The following LRP1B variants were observed in gnomAD, a reference collection of about 807,000 sequenced individuals.
LRP1B encodes the protein low-density lipoprotein receptor-related protein 1B.
Under a neutral mutation model 556.6 loss-of-function variants are expected in LRP1B, and 217 were observed. The observed-to-expected ratio is 0.39, with a 90% CI of 0.35 to 0.44. LRP1B has a LOEUF of 0.44. Ranked by LOEUF, LRP1B falls within the 20% of genes least tolerant of loss-of-function variation. The pLI, the probability that LRP1B is intolerant of heterozygous loss-of-function variation, is 1.00. For missense variants in LRP1B, 5,053 were observed against 5,620.8 expected, an observed-to-expected ratio of 0.90 and a Z score of 3.23; for synonymous variants, 2,047 against 1,865.8, an observed-to-expected ratio of 1.10 and a Z score of -2.50.
chr2:142,081,623 A>G (rs899788053), intron 1 of LRP1B, among the ~76,000 whole-genome samples: 1 of 152,122 alleles, frequency 6.6e-6, no homozygotes, highest in Non-Finnish European at 1.5e-5. Flanking sequence ...ACAATAACAG[A>G]CTATGACCTA....
intron 86 of LRP1B, among the ~76,000 whole-genome samples, chr2:140,258,850 A>G (rs1279918966): frequency 2.6e-5 from 4 of 152,064 alleles, no homozygotes; most frequent in South Asian, 2.1e-4. Context: ...CCCACTAACC[A>G]TTTTTTAATT....
chr2:141,189,663 A>T (rs1473550024), intron 6 of LRP1B, among the ~76,000 whole-genome samples: 1 of 151,970 alleles, frequency 6.6e-6, no homozygotes, highest in African/African-American at 2.4e-5. Flanking sequence ...AAAATTCCAT[A>T]TTTATGCTGT....
chr2:140,674,912 C>T (rs1685617102), intron 41 of LRP1B, among the ~76,000 whole-genome samples: 1 of 152,206 alleles, frequency 6.6e-6, no homozygotes. Context: ...TAACACAAAT[C>T]ATCTCACAGT....
intron 43 of LRP1B, among the ~76,000 whole-genome samples, chr2:140,568,144 A>G (rs1681193059): frequency 6.6e-6 from 1 of 151,732 alleles, no homozygotes; most frequent in South Asian, 2.1e-4. Flanking sequence ...AAGAAAATCT[A>G]TAAATTGCCA....
intron 41 of LRP1B, among the ~76,000 whole-genome samples, chr2:140,674,872 T>C (rs1469464634): frequency 1.3e-5 from 2 of 152,252 alleles, no homozygotes; most frequent in Non-Finnish European, 2.9e-5. Context: ...TTCTTGATGC[T>C]GTTGTAACAA....
chr2:140,405,697 G>A (rs1684702624), intron 66 of LRP1B, among the ~76,000 whole-genome samples: 2 of 152,046 alleles, frequency 1.3e-5, no homozygotes, highest in South Asian at 4.1e-4. Flanking sequence ...GTGAGATTAA[G>A]TCAGTAATAA....
chr2:141,010,977 T>C (rs1189527439), intron 14 of LRP1B, among the ~76,000 whole-genome samples: 2 of 150,458 alleles, frequency 1.3e-5, no homozygotes, highest in African/African-American at 4.9e-5. Flanking sequence ...TGTGTGTGTG[T>C]GTGTATTAAT....
chr2:141,621,833 T>C (rs1051262765), intron 2 of LRP1B, among the ~76,000 whole-genome samples: 1 of 152,122 alleles, frequency 6.6e-6, no homozygotes, highest in African/African-American at 2.4e-5. Flanking sequence ...GGAGGAAAAG[T>C]CGATCCAAAA....
At chr2:140,623,537 G>A (rs1574155182) in intron 41 of LRP1B, among the ~76,000 whole-genome samples, 2 of 152,058 alleles carry the variant, frequency 1.3e-5, no homozygotes, top group East Asian at 1.9e-4. Flanking sequence ...AGAGGTCAAA[G>A]TAATCATCTG....
At chr2:141,115,733 C>T (rs1431383213) in intron 7 of LRP1B, among the ~76,000 whole-genome samples, 2 of 151,862 alleles carry the variant, frequency 1.3e-5, no homozygotes, top group African/African-American at 4.8e-5. Context: ...CCGCCCCTCT[C>T]GGACTCCCAA....
intron 41 of LRP1B, among the ~76,000 whole-genome samples, chr2:140,699,623 G>GT (rs1686557664): frequency 1.1e-5 from 1 of 92,620 alleles, no homozygotes. Context: ...ATAAGAAGAT[G>GT]GTTTTTGTTA....
intron 83 of LRP1B, among the ~76,000 whole-genome samples, chr2:140,309,738 A>T (rs1455296896): frequency 6.6e-6 from 1 of 151,796 alleles, no homozygotes; most frequent in East Asian, 1.9e-4. Flanking sequence ...TAATAGTGGC[A>T]TATCTGGAAA....
intron 1 of LRP1B, among the ~76,000 whole-genome samples, chr2:141,950,798 G>T (rs909915616): frequency 6.6e-6 from 1 of 152,144 alleles, no homozygotes; most frequent in Middle Eastern, 3.4e-3. Context: ...AAGAGAAAAT[G>T]AAGCCAAAAA....
chr2:141,457,376 G>A (rs558935636), intron 3 of LRP1B, among the ~76,000 whole-genome samples: 53 of 152,254 alleles, frequency 3.5e-4, no homozygotes, highest in African/African-American at 1.2e-3. Flanking sequence ...ATAAGTGGGA[G>A]CTGAGCAATG....
chr2:141,390,122 G>C (rs1689992527), intron 3 of LRP1B, among the ~76,000 whole-genome samples: 1 of 152,086 alleles, frequency 6.6e-6, no homozygotes. Flanking sequence ...TGGGGAACAA[G>C]AGCGAAACTC....
chr2:140,389,285 G>A (rs1388906283), intron 66 of LRP1B, among the ~76,000 whole-genome samples: 1 of 151,794 alleles, frequency 6.6e-6, no homozygotes, highest in Admixed American at 6.6e-5. Flanking sequence ...ATATGGATGG[G>A]ATATTTCTGA....
chr2:141,350,062 G>A (rs575211898), intron 3 of LRP1B, among the ~76,000 whole-genome samples: 15 of 152,054 alleles, frequency 9.9e-5, no homozygotes, highest in Admixed American at 3.3e-4. Context: ...GGAAACTCCC[G>A]TTTTTAAAAC....
chr2:140,419,274 C>A (rs1317631784), intron 66 of LRP1B, among the ~76,000 whole-genome samples: 1 of 152,026 alleles, frequency 6.6e-6, no homozygotes, highest in African/African-American at 2.4e-5. Flanking sequence ...AAAATGTGTG[C>A]ATTAACAACA....
intron 1 of LRP1B, among the ~76,000 whole-genome samples, chr2:141,911,760 T>C (rs1328737443): frequency 1.3e-5 from 2 of 152,130 alleles, no homozygotes; most frequent in Admixed American, 6.6e-5. Context: ...TTTTCTTTAC[T>C]TCCTCTTTTA....
Sources: gnomAD v4.1 joint callset for allele counts (sites outside exome capture counted in the v4.1 genomes callset) on GRCh38, gnomAD v4.1.1 for gene constraint, MANE v1.5 for transcripts, NCBI Gene and HGNC (gene_info 2026-07-23, HGNC 2026-07-21) for gene names.